Variants in DGAT2 observed in about 807,000 individuals in gnomAD.
DGAT2 encodes acyl-CoA retinol O-fatty-acyltransferase.
DGAT2 carries 33 observed loss-of-function variants against 48.4 expected under a neutral mutation model. That is an observed-to-expected ratio of 0.68 (90% CI 0.52 to 0.91). The LOEUF (loss-of-function observed/expected upper bound fraction) is 0.91, where lower values mean the gene tolerates loss of function less well. Among genes scored for constraint, DGAT2 ranks in the 40% least tolerant of loss-of-function variants. The probability of loss-of-function intolerance (pLI) is 0.00; values close to 1 mark genes in which losing one functional copy is unlikely to be tolerated. For missense variants in DGAT2, 446 were observed against 493.7 expected (o/e 0.90, Z 0.92); for synonymous variants, 191 against 194.1 (o/e 0.98, Z 0.13).
intron 1 of DGAT2, among the ~76,000 whole-genome samples, chr11:75,772,087 G>A (rs567512683): frequency 3.6e-3 from 551 of 152,292 alleles, no homozygotes; most frequent in African/African-American, 0.012. Flanking sequence ...TTGCAAGGCC[G>A]TGAAGGGCTG....
At position 75,768,937 on chromosome 11, in the gene DGAT2, AG is replaced by A; in HGVS notation, c.-51del. 1 of 1,415,484 alleles carries A rather than the reference AG, an allele frequency of 7.1e-7. No individual in the cohort carries two copies. 87.7% of individuals were successfully genotyped at this position (1,415,484 alleles called of 1,614,324 possible). ...GGCCCCGGGGGCCGGGGCATGGGCCAGGGGCGCGGGGTGAAGCGGCTTCCCG... is the reference window on the plus strand; with the variant it reads ...GGCCCCGGGGGCCGGGGCATGGGCCAGGGCGCGGGGTGAAGCGGCTTCCCG... On this transcript the variant is annotated 5_prime_UTR_variant, in exon 1 of 8. An upstream open reading frame in the 5' UTR gains an earlier in-frame stop. Transcript: ENST00000228027.
Position 75,768,919 on chromosome 11 carries a change from G to A in DGAT2, c.-73G>A. On this transcript the variant is annotated 5_prime_UTR_variant, in exon 1 of 8. Coordinates refer to ENST00000228027, the MANE Select transcript of DGAT2 (RefSeq NM_032564.5). ...TGCTCTGCGCGAAGCCCTGGCCCCG[G>A]GGGCCGGGGCATGGGCCAGGGGCGC... 7.3e-7 allele frequency: 1 copy of A among 1,364,654 alleles called. No individual in the cohort carries two copies. Among genetic ancestry groups the A allele is most frequent in the Non-Finnish European group, 9.4e-7 (1 of 1,063,166 alleles). The allele number at this position is 1,364,654 out of a possible 1,614,324, so 84.5% of individuals were successfully genotyped here.
intron 1 of DGAT2, among the ~76,000 whole-genome samples, chr11:75,770,983 C>T (rs1222646940): frequency 6.6e-6 from 1 of 152,084 alleles, no homozygotes; most frequent in Non-Finnish European, 1.5e-5. Context: ...CCTTCTAGAT[C>T]CTTGGTCCTT....
rs1267023005 is a variant in DGAT2 at position 75,800,983 on chromosome 11, C to T, written c.*475C>T. ...GGGAGGAGTTGGAGAGCACAGTTGC[C>T]CCGTTGTGTGAGGGCAGTAGTAGGC... On this transcript the variant is annotated 3_prime_UTR_variant, in exon 8 of 8. Transcript: ENST00000228027. The T allele has an allele frequency of 5.9e-6, 1 of 168,786 alleles. No individual in the cohort carries two copies. The highest frequency in any genetic ancestry group is 1.3e-5 in the Non-Finnish European group (1 of 79,044). The allele number at this position is 168,786 out of a possible 1,614,324, so 10.5% of individuals were successfully genotyped here.
At position 75,800,958 on chromosome 11, in the gene DGAT2, G is replaced by A. The variant is rs1945107152; in HGVS notation, c.*450G>A. 5.6e-6 allele frequency: 1 copy of A among 180,064 alleles called. No homozygotes were observed. The highest frequency in any genetic ancestry group is 1.2e-5 in the Non-Finnish European group (1 of 85,992). 11.2% of individuals were successfully genotyped at this position (180,064 alleles called of 1,614,324 possible). The stretch of plus-strand genomic sequence containing the variant: ...CTGCAGGACCAGTTTCTCTGCCAAG[G>A]GGAGGAGTTGGAGAGCACAGTTGCC... On this transcript the variant is annotated 3_prime_UTR_variant, in exon 8 of 8. Coordinates refer to ENST00000228027, the MANE Select transcript of DGAT2 (RefSeq NM_032564.5).
Position 75,769,060 on chromosome 11 carries a change from C to A in DGAT2, c.69C>A (p.Ser23Arg). 6.3e-7 allele frequency: 1 copy of A among 1,582,580 alleles called. No individual in the cohort carries two copies. Among genetic ancestry groups the A allele is most frequent in the Non-Finnish European group, 8.6e-7 (1 of 1,167,180 alleles). The change falls in exon 1 of 8, where the codon AGC becomes AGA. Residue 23 changes from serine to arginine, a missense_variant. By Grantham distance (110) the Ser-to-Arg change is moderately radical. Coordinates refer to ENST00000228027, the MANE Select transcript of DGAT2 (RefSeq NM_032564.5). ...AGCGTCAGGCCGAGGCTGACCGGAG[C>A]CAGCGCTCTCACGGAGGACCTGCGC... ...RGERQAEADR[S>R]QRSHGGPALS...
At chr11:75,769,159 G>A (rs776342846) in intron 1 of DGAT2, 47 bp downstream of exon 1, 1 of 1,513,892 alleles carries the variant, frequency 6.6e-7, no homozygotes. Flanking sequence ...AAGATTTTCT[G>A]GAAAGGGCCC....
At chr11:75,791,368 GC>G (rs1412928837) in intron 4 of DGAT2, among the ~76,000 whole-genome samples, 2 of 152,180 alleles carry the variant, frequency 1.3e-5, no homozygotes, top group African/African-American at 4.8e-5. Flanking sequence ...CTCATCCTTA[GC>G]CTAAGCCCAG....
intron 1 of DGAT2, among the ~76,000 whole-genome samples, chr11:75,782,406 T>C: frequency 6.6e-6 from 1 of 152,224 alleles, no homozygotes; most frequent in Non-Finnish European, 1.5e-5. Flanking sequence ...AGAGTACATT[T>C]TGTCTTCTGT....
chr11:75,798,869 C>T (rs550596880), intron 7 of DGAT2, among the ~76,000 whole-genome samples: 4 of 152,178 alleles, frequency 2.6e-5, no homozygotes, highest in South Asian at 2.1e-4. Flanking sequence ...CAATAGCCTA[C>T]GTGAAGTTCA....
intron 2 of DGAT2, among the ~76,000 whole-genome samples, chr11:75,785,606 T>C (rs1714007092): frequency 6.6e-6 from 1 of 152,232 alleles, no homozygotes; most frequent in Admixed American, 6.5e-5. Flanking sequence ...GCTCTCAGCA[T>C]AGCAGGTAGC....
chr11:75,775,141 A>G (rs537911150), intron 1 of DGAT2, among the ~76,000 whole-genome samples: 3 of 152,368 alleles, frequency 2.0e-5, no homozygotes, highest in Admixed American at 1.3e-4. Flanking sequence ...TGTGGATTCT[A>G]GCAGAGCACA....
chr11:75,792,028 T>G (rs1365879507), intron 4 of DGAT2: 2 of 152,306 alleles, frequency 1.3e-5, no homozygotes, highest in Admixed American at 6.5e-5. Flanking sequence ...CTCTCTCACC[T>G]CAGGGGCCAG....
chr11:75,798,394 G>C lies in DGAT2; in HGVS notation c.977G>C (p.Gly326Ala), dbSNP rs200290361. The change falls in exon 7 of 8, where the codon GGG (glycine) becomes GCG (alanine). Residue 326 changes from glycine (G) to alanine (A), a missense_variant. Physicochemically the swap from Gly to Ala is moderately conservative, Grantham distance 60. Coordinates refer to ENST00000228027, the MANE Select transcript of DGAT2 (RefSeq NM_032564.5). ...GGCCTCTTCTCCTCCGACACCTGGG[G>C]GCTGGTGCCCTACTCCAAGCCCATC... ...GRGLFSSDTW[G>A]LVPYSKPITT... is the part of the protein sequence containing the mutation. 90 of 1,613,652 alleles carry C rather than the reference G, an allele frequency of 5.6e-5. No homozygotes were observed. The highest frequency in any genetic ancestry group is 7.0e-5 in the Non-Finnish European group (83 of 1,180,034).
At chr11:75,789,580 A>G (rs1429352286) in intron 2 of DGAT2, among the ~76,000 whole-genome samples, 1 of 152,134 alleles carries the variant, frequency 6.6e-6, no homozygotes, top group Non-Finnish European at 1.5e-5. Flanking sequence ...CCCTCTAGTG[A>G]TGGTCTGGGA....
intron 1 of DGAT2, among the ~76,000 whole-genome samples, chr11:75,773,500 T>A (rs1291483723): frequency 6.6e-6 from 1 of 152,202 alleles, no homozygotes; most frequent in Non-Finnish European, 1.5e-5. Flanking sequence ...ATTCTCAGAT[T>A]CTCAAGGATG....
At chr11:75,798,167 C>CT in intron 6 of DGAT2, 60 bp from the exon 7 acceptor site, 5 of 1,575,842 alleles carry the variant, frequency 3.2e-6, no homozygotes, top group Non-Finnish European at 4.4e-6. Context: ...GGCCTCTAGG[C>CT]TGACATAGAA....
At chr11:75,797,111 G>A in intron 5 of DGAT2, 47 bp from the exon 6 acceptor site, 2 of 1,437,492 alleles carry the variant, frequency 1.4e-6, no homozygotes, top group Non-Finnish European at 9.2e-7. Context: ...GGGATGGGGA[G>A]TGGATCCATG....
chr11:75,799,058 T>C (rs1455018251), intron 7 of DGAT2, among the ~76,000 whole-genome samples: 3 of 152,198 alleles, frequency 2.0e-5, no homozygotes, highest in Non-Finnish European at 4.4e-5. Flanking sequence ...GGTGTGTGTG[T>C]GCATGTTAAT....
Sources: gnomAD v4.1 joint callset for allele counts (sites outside exome capture counted in the v4.1 genomes callset) on GRCh38, gnomAD v4.1.1 for gene constraint, MANE v1.5 for transcripts, NCBI Gene and HGNC (gene_info 2026-07-23, HGNC 2026-07-21) for gene names.